Variants in TDRD5 observed in about 807,000 individuals in gnomAD.
The protein encoded by TDRD5 is tudor domain-containing protein 5.
TDRD5 carries 41 observed loss-of-function variants against 120.6 expected under a neutral mutation model. The observed-to-expected ratio is 0.34, with a 90% CI of 0.26 to 0.44. The LOEUF (loss-of-function observed/expected upper bound fraction) is 0.44. TDRD5 is among the 20% of genes least tolerant of loss of function. TDRD5 has a pLI of 1.00. For synonymous variants in TDRD5, 430 were observed against 433.7 expected (o/e 0.99, Z 0.11); for missense variants, 1,006 against 1,221.2 (o/e 0.82, Z 2.63).
intron 4 of TDRD5, among the ~76,000 whole-genome samples, chr1:179,617,753 A>G (rs1263825478): frequency 2.0e-5 from 3 of 151,950 alleles, no homozygotes; most frequent in Non-Finnish European, 2.9e-5. Context: ...TCTCCCTGCT[A>G]CTTTCTGATC....
At chr1:179,655,994 G>A (rs998583503) in intron 14 of TDRD5, among the ~76,000 whole-genome samples, 3 of 152,144 alleles carry the variant, frequency 2.0e-5, no homozygotes, top group Non-Finnish European at 4.4e-5. Context: ...AGATTGCTGG[G>A]TCATGTGATA....
chr1:179,604,693 CT>C (rs750222540), intron 4 of TDRD5, among the ~76,000 whole-genome samples: 6 of 151,916 alleles, frequency 3.9e-5, no homozygotes, highest in Non-Finnish European at 8.8e-5. Context: ...TTTAAGGTTC[CT>C]TTTGGAGTTG....
At chr1:179,604,503 T>G (rs1417963474) in intron 4 of TDRD5, among the ~76,000 whole-genome samples, 2 of 152,148 alleles carry the variant, frequency 1.3e-5, no homozygotes, top group Non-Finnish European at 2.9e-5. Context: ...GCCTTTTTGA[T>G]GTAGGCGTTT....
chr1:179,690,051 CCCCACTGTCCTGCA>C (rs1213273211), intron 17 of TDRD5, among the ~76,000 whole-genome samples: 11 of 152,076 alleles, frequency 7.2e-5, no homozygotes, highest in South Asian at 2.1e-4. Flanking sequence ...TGTGGGCTGC[CCCCACTGTCCTGCA>C]CCCACTGTCC....
chr1:179,657,073 T>A (rs1679044851), intron 14 of TDRD5, among the ~76,000 whole-genome samples: 1 of 152,104 alleles, frequency 6.6e-6, no homozygotes, highest in African/African-American at 2.4e-5. Flanking sequence ...AAAGAAAAAA[T>A]CAGGTAGTAT....
intron 17 of TDRD5, among the ~76,000 whole-genome samples, chr1:179,681,401 C>T (rs1168339049): frequency 6.6e-6 from 1 of 152,144 alleles, no homozygotes; most frequent in Non-Finnish European, 1.5e-5. Context: ...ATCGTAAACC[C>T]CACAATCCAA....
chr1:179,595,952 T>A, intron 4 of TDRD5, 134 bp downstream of exon 4: 1 of 855,272 alleles, frequency 1.2e-6, no homozygotes, highest in Non-Finnish European at 1.7e-6. Flanking sequence ...ACTAAGCATT[T>A]CCTATGGTTC....
At chr1:179,682,688 T>C (rs1038757126) in intron 17 of TDRD5, among the ~76,000 whole-genome samples, 2 of 146,912 alleles carry the variant, frequency 1.4e-5, no homozygotes, top group South Asian at 2.2e-4. Context: ...TTAATTTCCC[T>C]TTTTTTTTTT....
At chr1:179,656,389 C>G (rs951730995) in intron 14 of TDRD5, among the ~76,000 whole-genome samples, 2 of 152,154 alleles carry the variant, frequency 1.3e-5, no homozygotes, top group Non-Finnish European at 2.9e-5. Flanking sequence ...CTTGTCTTTT[C>G]ATTCTCTTGA....
In TDRD5 at chr1:179,648,341, G is replaced by A. The variant is rs993419534; in HGVS notation, c.1801-2526G>A. ...AAATCATCATTCTCAGTAAACTATC[G>A]CAAGAACAGAAAACCAAACACCGCA... On this transcript the variant is annotated intron_variant, in intron 11 of 17. Coordinates refer to ENST00000444136, the MANE Select transcript of TDRD5 (RefSeq NM_001199085.3). 6.3e-5 allele frequency among the ~76,000 whole-genome samples: 9 copies of A among 142,370 alleles called. 1 individual carries two copies. Among genetic ancestry groups the A allele is most frequent in the Non-Finnish European group, 6.2e-5 (4 of 65,006 alleles). The allele number at this position is 142,370 out of a possible 152,430, so 93.4% of individuals were successfully genotyped here.
At chr1:179,627,364 T>C (rs548915814) in intron 6 of TDRD5, among the ~76,000 whole-genome samples, 1 of 152,214 alleles carries the variant, frequency 6.6e-6, no homozygotes, top group East Asian at 1.9e-4. Flanking sequence ...GGAGAGAATA[T>C]AGTGTTTCGT....
At chr1:179,618,523 C>T in intron 4 of TDRD5, 76 bp from the exon 5 acceptor site, 1 of 1,040,632 alleles carries the variant, frequency 9.6e-7, no homozygotes, top group Non-Finnish European at 1.4e-6. Flanking sequence ...TTTTTCTTTA[C>T]ATATTGCTTA....
intron 6 of TDRD5, among the ~76,000 whole-genome samples, chr1:179,623,736 T>G (rs1202796665): frequency 6.7e-6 from 1 of 149,224 alleles, no homozygotes; most frequent in East Asian, 2.0e-4. Context: ...TGGGCTCAAG[T>G]AATCCTCCTG....
At chr1:179,672,731 C>G (rs1396824646) in intron 17 of TDRD5, among the ~76,000 whole-genome samples, 2 of 152,252 alleles carry the variant, frequency 1.3e-5, no homozygotes, top group East Asian at 3.9e-4. Context: ...GGTTTCAGGT[C>G]TTAGATTTAA....
intron 17 of TDRD5, among the ~76,000 whole-genome samples, chr1:179,689,650 G>A (rs868796189): frequency 1.4e-4 from 22 of 152,028 alleles, no homozygotes; most frequent in Middle Eastern, 3.2e-3. Context: ...TGCTCCCAGA[G>A]GTGGAGTCTA....
intron 3 of TDRD5, 79 bp from the exon 4 acceptor site, chr1:179,595,549 C>T (rs1675343493): frequency 7.7e-7 from 1 of 1,290,666 alleles, no homozygotes; most frequent in Non-Finnish European, 1.1e-6. Context: ...CTCACAGTAG[C>T]CTCTGTATGT....
At chr1:179,604,510 G>A (rs747141431) in intron 4 of TDRD5, among the ~76,000 whole-genome samples, 4 of 151,894 alleles carry the variant, frequency 2.6e-5, no homozygotes, top group African/African-American at 7.3e-5. Context: ...TGATGTAGGC[G>A]TTTAGGGCTA....
chr1:179,664,589 A>T (rs1468464658), intron 16 of TDRD5, among the ~76,000 whole-genome samples: 2 of 152,184 alleles, frequency 1.3e-5, no homozygotes, highest in East Asian at 1.9e-4. Flanking sequence ...TTCACCTAGC[A>T]TTAATAATGT....
chr1:179,597,341 T>TC (rs1054213434), intron 4 of TDRD5, among the ~76,000 whole-genome samples: 1 of 146,796 alleles, frequency 6.8e-6, no homozygotes, highest in Non-Finnish European at 1.5e-5. Flanking sequence ...TCTTTTTTTT[T>TC]TTTTTTTTGA....
Sources: allele counts gnomAD v4.1 joint callset (sites outside exome capture counted in the v4.1 genomes callset), GRCh38; gene constraint gnomAD v4.1.1; transcripts MANE v1.5; gene names NCBI Gene and HGNC (gene_info 2026-07-23, HGNC 2026-07-21).